BRSK1: variants seen among roughly 807,000 people sequenced by gnomAD.
The protein encoded by BRSK1 is serine/threonine-protein kinase BRSK1.
In BRSK1, 17 loss-of-function variants were observed where a neutral mutation model predicts 86.2. The observed-to-expected ratio is 0.20, with a 90% CI of 0.14 to 0.30. The LOEUF (loss-of-function observed/expected upper bound fraction) is 0.30. Ranked by LOEUF, BRSK1 falls within the 10% of genes least tolerant of loss-of-function variation. The pLI, the probability that BRSK1 is intolerant of heterozygous loss-of-function variation, is 1.00. For synonymous variants in BRSK1, 464 were observed against 440.1 expected (o/e 1.05, Z -0.68); for missense variants, 719 against 1,071.9 (o/e 0.67, Z 4.60).
intron 7 of BRSK1, among the ~76,000 whole-genome samples, chr19:55,295,162 G>T (rs572278299): frequency 1.3e-5 from 2 of 151,176 alleles, no homozygotes; most frequent in Non-Finnish European, 2.9e-5. Context: ...TCTCTCTGTC[G>T]CCCAGGCTGG....
At chr19:55,305,065 C>T (rs756141437) in intron 14 of BRSK1, 145 bp downstream of exon 14, 98 of 1,325,368 alleles carry the variant, frequency 7.4e-5, no homozygotes, top group Middle Eastern at 2.7e-4. Context: ...GGGTTTGAAG[C>T]AGAGGTGCAC....
chr19:55,293,889 A>C (rs1415437690), intron 4 of BRSK1, 128 bp from the exon 5 acceptor site: 1 of 669,148 alleles, frequency 1.5e-6, no homozygotes. Flanking sequence ...AATGAATGAT[A>C]ATAAATGGTC....
rs1391300318 is a variant in BRSK1 at position 55,287,915 on chromosome 19, G to C, written c.317+616G>C. 1 of 156,724 alleles carries C rather than the reference G, an allele frequency of 6.4e-6. No homozygotes were observed. The highest frequency in any genetic ancestry group is 2.4e-5 in the African/African-American group (1 of 41,496). 9.7% of individuals were successfully genotyped at this position (156,724 alleles called of 1,614,324 possible). On this transcript the variant is annotated intron_variant, in intron 3 of 18. Coordinates refer to ENST00000309383, the MANE Select transcript of BRSK1 (RefSeq NM_032430.2). The surrounding 1 kb of genome is among the most constrained non-coding windows in gnomAD (Gnocchi z 5.3). ...GACAGCTGGGCTGGGAAGCCGGAGA[G>C]GGGACAGCCCTCGTGTTCCCCCCCG...
In BRSK1 at chr19:55,302,192, T is replaced by C. The variant is rs145223322; in HGVS notation, c.857+24T>C. On this transcript the variant is annotated intron_variant, in intron 9 of 18. Transcript: ENST00000309383. This position sits in a 1 kb window ranked among gnomAD's most constrained non-coding sequence, Gnocchi z 6.3. ...CTGTGAGTATGGGGTAACTGGACTCTTGGGTCCCTGGCGGAAATAGGGGAG... is the reference window on the plus strand; with the variant it reads ...CTGTGAGTATGGGGTAACTGGACTCCTGGGTCCCTGGCGGAAATAGGGGAG... 1.2e-6 allele frequency: 2 copies of C among 1,613,704 alleles called. No individual in the cohort carries two copies. The highest frequency in any genetic ancestry group is 1.3e-5 in the African/African-American group (1 of 74,986).
Position 55,284,277 on chromosome 19 carries a change from G to T in BRSK1, c.-166G>T, listed in dbSNP as rs927672400. The T allele has an allele frequency of 3.6e-6, 2 of 549,884 alleles. No homozygotes were observed. Among genetic ancestry groups the T allele is most frequent in the Non-Finnish European group, 5.4e-6 (2 of 370,260 alleles). 34.1% of individuals were successfully genotyped at this position (549,884 alleles called of 1,614,324 possible). The stretch of plus-strand genomic sequence containing the variant: ...CAGCCCCCCCTCCCCCAGCTCCGCG[G>T]CCCGCCGACTGGGGGGGGCCAGCCC... On this transcript the variant is annotated 5_prime_UTR_variant, in exon 1 of 19. Transcript: ENST00000309383.
intron 7 of BRSK1, among the ~76,000 whole-genome samples, chr19:55,299,779 G>T (rs1356189144): frequency 6.6e-6 from 1 of 152,118 alleles, no homozygotes; most frequent in Non-Finnish European, 1.5e-5. Context: ...CTGTGCTTGA[G>T]CATCAGGCAA....
intron 4 of BRSK1, among the ~76,000 whole-genome samples, chr19:55,292,057 G>A (rs2088414996): frequency 6.6e-6 from 1 of 152,152 alleles, no homozygotes; most frequent in African/African-American, 2.4e-5. Flanking sequence ...ACCGCACCCG[G>A]CCCTGTTTAA....
Position 55,303,989 on chromosome 19 carries a change from A to G in BRSK1, c.1287-61A>G. On this transcript the variant is annotated intron_variant, in intron 12 of 18. Transcript: ENST00000309383. The surrounding 1 kb of genome is among the most constrained non-coding windows in gnomAD (Gnocchi z 5.1). ...GGAAGGACTGTAGAAGTGAGGGAAC[A>G]TCTGTGGTTTTTGAAACCCTCCCAT... 1 of 1,553,282 alleles carries G rather than the reference A, an allele frequency of 6.4e-7. No homozygotes were observed. The highest frequency in any genetic ancestry group is 8.7e-7 in the Non-Finnish European group (1 of 1,150,070).
At position 55,302,242 on chromosome 19, in the gene BRSK1, G is replaced by C; in HGVS notation, c.857+74G>C. On this transcript the variant is annotated intron_variant, in intron 9 of 18. Transcript: ENST00000309383. This position sits in a 1 kb window ranked among gnomAD's most constrained non-coding sequence, Gnocchi z 6.3. ...GGGGCCAAAGCAGTAGAAGCGGCTG[G>C]GAGGGGTGGGATGCCAGGGTTCCTG... 1 of 1,569,718 alleles carries C rather than the reference G, an allele frequency of 6.4e-7. No homozygotes were observed. Among genetic ancestry groups the C allele is most frequent in the East Asian group, 2.2e-5 (1 of 44,688 alleles).
rs776872208 is a variant in BRSK1, at chr19:55,294,410, C to T, written c.678+13C>T. 77 of 1,613,194 alleles carry T rather than the reference C, an allele frequency of 4.8e-5. No individual in the cohort carries two copies. The East Asian group carries it at 8.7e-4, about 18-fold the overall frequency. On this transcript the variant is annotated intron_variant, in intron 7 of 18. Coordinates refer to ENST00000309383, the MANE Select transcript of BRSK1 (RefSeq NM_032430.2). The surrounding 1 kb of genome is among the most constrained non-coding windows in gnomAD (Gnocchi z 4.9). ...CGCCCTGCTCGTGGTAAGGCGCCCT[C>T]ACCTCTCCTGTCATTTCTAGATCAA...
chr19:55,290,932 C>T (rs918842113), intron 4 of BRSK1, among the ~76,000 whole-genome samples: 17 of 151,804 alleles, frequency 1.1e-4, no homozygotes, highest in Non-Finnish European at 2.1e-4. Flanking sequence ...TGAGCCACCG[C>T]GCCCGGCCTA....
chr19:55,302,081 G>A lies in BRSK1; in HGVS notation c.826-56G>A. 1 of 1,604,624 alleles carries A rather than the reference G, an allele frequency of 6.2e-7. No homozygotes were observed. The highest frequency in any genetic ancestry group is 1.1e-5 in the South Asian group (1 of 90,908). ...AAACCACCCCAGTCTTTCATTGCGC[G>A]CCTACATGTGCCTACGACCTCACTT... On this transcript the variant is annotated intron_variant, in intron 8 of 18. Transcript: ENST00000309383. This position sits in a 1 kb window ranked among gnomAD's most constrained non-coding sequence, Gnocchi z 6.3.
intron 4 of BRSK1, 151 bp from the exon 5 acceptor site, chr19:55,293,866 A>G: frequency 1.7e-6 from 1 of 572,526 alleles, no homozygotes; most frequent in Non-Finnish European, 3.0e-6. Context: ...AAATTTTTAA[A>G]AAGACCAAAA....
At chr19:55,293,649 A>G (rs2088441881) in intron 4 of BRSK1, among the ~76,000 whole-genome samples, 1 of 151,772 alleles carries the variant, frequency 6.6e-6, no homozygotes, top group African/African-American at 2.4e-5. Context: ...CGTCTCTACT[A>G]AAAATACAAA....
intron 4 of BRSK1, among the ~76,000 whole-genome samples, chr19:55,292,629 T>G (rs1405473320): frequency 6.6e-6 from 1 of 151,666 alleles, no homozygotes; most frequent in East Asian, 2.0e-4. Context: ...ACGTGAAGAG[T>G]TCGAGACCAG....
Position 55,304,579 on chromosome 19 carries a change from C to T in BRSK1, c.1376C>T (p.Pro459Leu), listed in dbSNP as rs946404143. Reference protein sequence around the residue: ...RSPVFSFSPEPGAGDEARGGG... With the variant: ...RSPVFSFSPELGAGDEARGGG... ...CCGGTCTTTTCCTTTTCACCGGAGC[C>T]GGGGGCTGGAGATGAGGCTCGAGGC... Residue 459 changes from proline to leucine, a missense_variant, in exon 14 of 19, where the codon CCG becomes CTG. Pro to Leu is a moderately conservative substitution (Grantham distance 98). Coordinates refer to ENST00000309383, the MANE Select transcript of BRSK1 (RefSeq NM_032430.2). This position sits in a 1 kb window ranked among gnomAD's most constrained non-coding sequence, Gnocchi z 5.2. The T allele has an allele frequency of 8.2e-6, 13 of 1,585,128 alleles. No individual in the cohort carries two copies. Among genetic ancestry groups the T allele is most frequent in the African/African-American group, 5.5e-5 (4 of 72,714 alleles).
rs144430493 is a variant in BRSK1 at position 55,289,444 on chromosome 19, C to A, written c.318-36C>A. On this transcript the variant is annotated intron_variant, in intron 3 of 18. Transcript: ENST00000309383. The stretch of plus-strand genomic sequence containing the variant: ...ACCAGGCCCTTTGGTCCTCCACATG[C>A]CCCTTCCAGCCCTCTGCCCCCTCTA... 3.8e-6 allele frequency: 6 copies of A among 1,590,122 alleles called. No individual in the cohort carries two copies. The African/African-American group carries it at 6.8e-5, about 18-fold the overall frequency.
In BRSK1 at chr19:55,284,262, T is replaced by C. The variant is rs1201856177; in HGVS notation, c.-181T>C. Reference sequence around the variant, plus strand: ...CTGACCCCCCCGGGCCAGCCCCCCCTCCCCCAGCTCCGCGGCCCGCCGACT... The same window carrying C: ...CTGACCCCCCCGGGCCAGCCCCCCCCCCCCCAGCTCCGCGGCCCGCCGACT... On this transcript the variant is annotated 5_prime_UTR_variant, in exon 1 of 19. Transcript: ENST00000309383. The C allele has an allele frequency of 2.2e-6, 1 of 450,392 alleles. No individual in the cohort carries two copies. The highest frequency in any genetic ancestry group is 3.5e-6 in the Non-Finnish European group (1 of 285,056). 27.9% of individuals were successfully genotyped at this position (450,392 alleles called of 1,614,324 possible).
chr19:55,290,702 C>T (rs979826051), intron 4 of BRSK1, among the ~76,000 whole-genome samples: 2 of 151,164 alleles, frequency 1.3e-5, no homozygotes, highest in Non-Finnish European at 1.5e-5. Flanking sequence ...AGTGCAGTGG[C>T]GCGATCTCGG....
Sources: allele counts gnomAD v4.1 joint callset (sites outside exome capture counted in the v4.1 genomes callset), GRCh38; gene constraint gnomAD v4.1.1; non-coding constraint Gnocchi (gnomAD v3.1); transcripts MANE v1.5; gene names NCBI Gene and HGNC (gene_info 2026-07-23, HGNC 2026-07-21).